Variants in GRAMD1C observed in about 807,000 individuals in gnomAD.
GRAMD1C encodes the protein GRAM domain containing 1C, also known as protein Aster-C.
Under a neutral mutation model 97.8 loss-of-function variants are expected in GRAMD1C, and 89 were observed. That is an observed-to-expected ratio of 0.91 (90% CI 0.77 to 1.09). The LOEUF is 1.09. GRAMD1C is among the 50% of genes least tolerant of loss of function. The pLI, the probability that GRAMD1C is intolerant of heterozygous loss-of-function variation, is 0.00. For synonymous variants in GRAMD1C, 256 were observed against 267.0 expected (o/e 0.96, Z 0.40); for missense variants, 740 against 766.4 (o/e 0.97, Z 0.41).
At chr3:113,837,848 C>A (rs1479063059), upstream of GRAMD1C, among the ~76,000 whole-genome samples, 1 of 152,132 alleles carries the variant, frequency 6.6e-6, no homozygotes, top group Admixed American at 6.5e-5. Flanking sequence ...GTGGAGGTTG[C>A]AGTGAGCAGA....
intron 2 of GRAMD1C, among the ~76,000 whole-genome samples, chr3:113,855,243 G>T (rs1446772510): frequency 1.3e-5 from 2 of 152,132 alleles, no homozygotes; most frequent in African/African-American, 4.8e-5. Flanking sequence ...ACCAGTAGGT[G>T]GAGGTTGTGG....
chr3:113,900,343 A>G (rs898872674), intron 6 of GRAMD1C, among the ~76,000 whole-genome samples: 1 of 151,062 alleles, frequency 6.6e-6, no homozygotes, highest in Admixed American at 6.6e-5. Flanking sequence ...TGGGTGGCAC[A>G]GTGAGACTCC....
chr3:113,917,437 C>T (rs1936859043), intron 10 of GRAMD1C, among the ~76,000 whole-genome samples: 1 of 151,774 alleles, frequency 6.6e-6, no homozygotes, highest in Admixed American at 6.6e-5. Context: ...GATTCTTGTG[C>T]CTCAGCCTCC....
Position 113,869,591 on chromosome 3 carries a change from G to A in GRAMD1C, c.259G>A (p.Asp87Asn). The A allele has an allele frequency of 1.4e-6, 2 of 1,407,568 alleles. No homozygotes were observed. Among genetic ancestry groups the A allele is most frequent in the East Asian group, 2.3e-5 (1 of 43,146 alleles). 87.2% of individuals were successfully genotyped at this position (1,407,568 alleles called of 1,614,324 possible). Residue 87 changes from aspartate to asparagine, a missense_variant and splice_region_variant, in exon 3 of 18, where the codon GAT becomes AAT. Physicochemically the swap from Asp to Asn is conservative, Grantham distance 23. Coordinates refer to ENST00000358160, the MANE Select transcript of GRAMD1C (RefSeq NM_017577.5). Reference protein sequence around the residue: ...HLPDTERLIADYACALQRDIL... With the variant: ...HLPDTERLIANYACALQRDIL... ...ACCTGATACAGAGAGGCTGATAGCA[G>A]GTAAAATAGAAATTTTCAAAAAAAA...
chr3:113,867,058 T>C (rs1934612243), intron 2 of GRAMD1C, among the ~76,000 whole-genome samples: 2 of 152,188 alleles, frequency 1.3e-5, no homozygotes, highest in South Asian at 4.1e-4. Context: ...CTTGAACTCC[T>C]GACCTCATGA....
chr3:113,933,619 A>G lies in GRAMD1C; in HGVS notation c.1318A>G (p.Ile440Val). The G allele has an allele frequency of 1.2e-6, 2 of 1,607,702 alleles. No homozygotes were observed. Among genetic ancestry groups the G allele is most frequent in the African/African-American group, 1.3e-5 (1 of 74,954 alleles). ...CTTCTATACCGTGAACAGATACTGT[A>G]TCATCCGATCTTCAAAACAGAAATG... is the stretch of plus-strand genomic sequence containing the variant. ...DYFYTVNRYC[I>V]IRSSKQKCRL... Residue 440 changes from isoleucine to valine, a missense_variant, in exon 12 of 18, where the codon ATC becomes GTC. Transcript: ENST00000358160.
chr3:113,940,790 C>T (rs761765243), intron 17 of GRAMD1C, among the ~76,000 whole-genome samples: 1 of 152,108 alleles, frequency 6.6e-6, no homozygotes, highest in Non-Finnish European at 1.5e-5. Context: ...TAAAGCAAAC[C>T]CCCTTAACAG....
chr3:113,913,160 G>A, intron 9 of GRAMD1C: 2 of 1,180,342 alleles, frequency 1.7e-6, no homozygotes, highest in South Asian at 2.6e-5. Context: ...TGGCCAAATA[G>A]GTAAGTAGCA....
chr3:113,890,062 GC>G lies in GRAMD1C; in HGVS notation c.540+7232del, dbSNP rs202142625. On this transcript the variant is annotated intron_variant, in intron 6 of 17. Transcript: ENST00000358160. Reference sequence around the variant, plus strand: ...CCTCCAGAGCTCTTCATGTTGAATGGCCTTTTGAACTGAACGCTGAGGACAG... The same window carrying G: ...CCTCCAGAGCTCTTCATGTTGAATGGCTTTTGAACTGAACGCTGAGGACAG... Among the ~76,000 whole-genome samples the G allele has an allele frequency of 5.4e-3, 544 of 101,056 alleles. 27 individuals are homozygous for G. In the South Asian group the frequency reaches 0.098, roughly 18 times the overall value. 66.3% of individuals were successfully genotyped at this position (101,056 alleles called of 152,430 possible).
upstream of GRAMD1C, among the ~76,000 whole-genome samples, chr3:113,834,645 G>A (rs1188736659): frequency 3.3e-5 from 5 of 151,698 alleles, no homozygotes; most frequent in African/African-American, 9.7e-5. Context: ...ATATTTTTAA[G>A]AGACATTTGC....
chr3:113,940,438 C>G (rs899036425), intron 17 of GRAMD1C, 93 bp downstream of exon 17: 2 of 729,934 alleles, frequency 2.7e-6, no homozygotes, highest in Non-Finnish European at 4.7e-6. Flanking sequence ...ACCCTACTAT[C>G]GTTTGAAAAA....
chr3:113,938,991 A>T (rs1334624721), intron 15 of GRAMD1C: 1 of 152,218 alleles, frequency 6.6e-6, no homozygotes, highest in East Asian at 1.9e-4. Flanking sequence ...GACAGTTCTG[A>T]ATAGCAAATA....
At chr3:113,919,224 G>A (rs902793272) in intron 10 of GRAMD1C, 3 of 374,982 alleles carry the variant, frequency 8.0e-6, no homozygotes, top group Non-Finnish European at 1.6e-5. Context: ...TGCTGACAAT[G>A]AGTTTTCTTG....
intron 10 of GRAMD1C, among the ~76,000 whole-genome samples, chr3:113,917,953 T>G (rs773967637): frequency 1.6e-4 from 23 of 147,752 alleles, no homozygotes; most frequent in Non-Finnish European, 2.4e-4. Flanking sequence ...TCCACCTGCC[T>G]TGGCCTCCCA....
Position 113,876,277 on chromosome 3 carries a change from C to G in GRAMD1C, c.459+17C>G. 1 of 1,312,168 alleles carries G rather than the reference C, an allele frequency of 7.6e-7. No homozygotes were observed. Among genetic ancestry groups the G allele is most frequent in the Non-Finnish European group, 1.1e-6 (1 of 909,474 alleles). The allele number at this position is 1,312,168 out of a possible 1,614,324, so 81.3% of individuals were successfully genotyped here. A position where few individuals can be genotyped will look rare whatever the true frequency, so the allele number is the denominator to read the frequency against. On this transcript the variant is annotated intron_variant, in intron 5 of 17. Transcript: ENST00000358160. ...AGTGAAAAGGTGAAAACTTTCCTAT[C>G]TTTGTTATATTACATAATGTGAAGA...
intron 2 of GRAMD1C, among the ~76,000 whole-genome samples, chr3:113,864,743 A>C (rs1934519203): frequency 6.6e-6 from 1 of 152,180 alleles, no homozygotes; most frequent in African/African-American, 2.4e-5. Flanking sequence ...AATCTCTAAG[A>C]AGTTTCAGAC....
chr3:113,892,004 T>A (rs1040588057), intron 6 of GRAMD1C, among the ~76,000 whole-genome samples: 31 of 151,968 alleles, frequency 2.0e-4, no homozygotes, highest in African/African-American at 7.3e-4. Context: ...AGCAAATTAA[T>A]CTAGAAAGTA....
chr3:113,866,496 A>G (rs1021445691), intron 2 of GRAMD1C, among the ~76,000 whole-genome samples: 3 of 152,074 alleles, frequency 2.0e-5, no homozygotes, highest in Admixed American at 6.6e-5. Context: ...TAGTTTGACA[A>G]TTTCTGTGTT....
At chr3:113,890,771 T>C in intron 6 of GRAMD1C, 1 of 698,472 alleles carries the variant, frequency 1.4e-6, no homozygotes, top group East Asian at 2.7e-5. Context: ...TGAGTTGGGA[T>C]ATGTCCTTAT....
Sources: allele counts gnomAD v4.1 joint callset (sites outside exome capture counted in the v4.1 genomes callset), GRCh38; gene constraint gnomAD v4.1.1; transcripts MANE v1.5; gene names NCBI Gene and HGNC (gene_info 2026-07-23, HGNC 2026-07-21).